CDH12: variants seen among roughly 807,000 people sequenced by gnomAD.
The protein encoded by CDH12 is cadherin 12.
In CDH12, 41 loss-of-function variants were observed where a neutral mutation model predicts 74.1. The ratio of observed to expected loss-of-function variants is 0.55; its 90% CI spans 0.43 to 0.72. The LOEUF is 0.72. CDH12 is among the 30% of genes least tolerant of loss of function. The pLI is 0.00. For synonymous variants in CDH12, 399 were observed against 355.0 expected, an observed-to-expected ratio of 1.12 and a Z score of -1.39; for missense variants, 945 against 977.2, an observed-to-expected ratio of 0.97 and a Z score of 0.44.
At chr5:22,173,462 A>G (rs1437493734) in intron 4 of CDH12, among the ~76,000 whole-genome samples, 8 of 149,430 alleles carry the variant, frequency 5.4e-5, no homozygotes, top group Non-Finnish European at 1.2e-4. Context: ...AATATTTGAA[A>G]TAACCTGTAT....
At chr5:22,062,789 C>T (rs1741279573) in intron 5 of CDH12, among the ~76,000 whole-genome samples, 1 of 152,094 alleles carries the variant, frequency 6.6e-6, no homozygotes, top group South Asian at 2.1e-4. Context: ...TTTCTATCAA[C>T]TCAGAAGGAG....
At chr5:21,770,681 A>C (rs998744260) in intron 11 of CDH12, among the ~76,000 whole-genome samples, 13 of 152,024 alleles carry the variant, frequency 8.6e-5, no homozygotes, top group African/African-American at 2.7e-4. Flanking sequence ...CAACAGAATT[A>C]CTCTTCGACC....
intron 3 of CDH12, among the ~76,000 whole-genome samples, chr5:22,391,509 C>T (rs1222345400): frequency 1.3e-5 from 2 of 152,024 alleles, no homozygotes; most frequent in Non-Finnish European, 1.5e-5. Flanking sequence ...CCTTTTGCCC[C>T]ACATAAATCA....
At chr5:22,635,641 C>G (rs925261301) in intron 1 of CDH12, among the ~76,000 whole-genome samples, 2 of 152,094 alleles carry the variant, frequency 1.3e-5, no homozygotes, top group African/African-American at 4.8e-5. Flanking sequence ...CCAGTCTGGG[C>G]GCGGTGGCTC....
chr5:22,091,344 G>C (rs1046950156), intron 4 of CDH12, among the ~76,000 whole-genome samples: 1 of 149,764 alleles, frequency 6.7e-6, no homozygotes, highest in Non-Finnish European at 1.5e-5. Context: ...AGGCCTGGCA[G>C]CATACAAGAT....
At chr5:22,740,462 G>A (rs1328228759) in intron 1 of CDH12, among the ~76,000 whole-genome samples, 3 of 151,790 alleles carry the variant, frequency 2.0e-5, no homozygotes, top group Non-Finnish European at 2.9e-5. Flanking sequence ...CTTAGGGTGA[G>A]TTAAAAGGCT....
At chr5:21,765,223 T>G in intron 11 of CDH12, 124 bp from the exon 12 acceptor site, 1 of 740,158 alleles carries the variant, frequency 1.4e-6, no homozygotes, top group Non-Finnish European at 2.0e-6. Flanking sequence ...ATCCTTCTTA[T>G]AGGAAATCCT....
chr5:22,505,268 AC>A lies in CDH12; in HGVS notation c.-428+1del. 1 of 966,260 alleles carries A rather than the reference AC, an allele frequency of 1.0e-6. No homozygotes were observed. The highest frequency in any genetic ancestry group is 1.2e-6 in the Non-Finnish European group (1 of 812,640). The allele number at this position is 966,260 out of a possible 1,614,324, so 59.9% of individuals were successfully genotyped here. A position where few individuals can be genotyped will look rare whatever the true frequency, so the allele number is the denominator to read the frequency against. On this transcript the variant is annotated splice_donor_variant, in intron 2 of 14. Transcript: ENST00000382254. LOFTEE classifies it low-confidence loss of function (5UTR_SPLICE). ...TATCTTGATAAGATTTTTTTTACCT[AC>A]CTTTAAAAAGGCTGGCATTCTTTAA...
At chr5:21,821,851 G>A (rs1264505790) in intron 8 of CDH12, among the ~76,000 whole-genome samples, 3 of 151,872 alleles carry the variant, frequency 2.0e-5, no homozygotes, top group Admixed American at 1.3e-4. Flanking sequence ...TTTTGTGTGT[G>A]TGAGTGATTT....
chr5:22,119,941 G>A (rs1745406172), intron 4 of CDH12, among the ~76,000 whole-genome samples: 1 of 152,118 alleles, frequency 6.6e-6, no homozygotes. Flanking sequence ...GAGACAATTT[G>A]CATGTGAACA....
chr5:22,369,302 T>C (rs1242642712), intron 3 of CDH12, among the ~76,000 whole-genome samples: 1 of 152,104 alleles, frequency 6.6e-6, no homozygotes, highest in East Asian at 1.9e-4. Context: ...TAAAGAAATA[T>C]TAAAATTTTT....
intron 1 of CDH12, among the ~76,000 whole-genome samples, chr5:22,768,907 T>C (rs1283681632): frequency 6.6e-6 from 1 of 152,174 alleles, no homozygotes; most frequent in African/African-American, 2.4e-5. Flanking sequence ...TCTTCTAATA[T>C]CATTATTTTA....
At chr5:21,859,292 A>T (rs896496264) in intron 6 of CDH12, among the ~76,000 whole-genome samples, 2 of 151,904 alleles carry the variant, frequency 1.3e-5, no homozygotes, top group African/African-American at 4.8e-5. Flanking sequence ...GGTGAAGGGG[A>T]AGAAAGGCAC....
chr5:21,910,548 C>T (rs926970056), intron 6 of CDH12, among the ~76,000 whole-genome samples: 6 of 152,076 alleles, frequency 3.9e-5, no homozygotes, highest in African/African-American at 1.2e-4. Context: ...GGTCTCATGG[C>T]GTCCCTGAAT....
At chr5:21,783,069 G>A (rs1746001088) in intron 11 of CDH12, among the ~76,000 whole-genome samples, 1 of 152,116 alleles carries the variant, frequency 6.6e-6, no homozygotes, top group Admixed American at 6.6e-5. Context: ...GTGTGGAAGA[G>A]AAATTAAAAC....
At position 21,816,925 on chromosome 5, in the gene CDH12, C is replaced by T. The variant is rs372848394; in HGVS notation, c.1002+20G>A. The T allele has an allele frequency of 2.7e-6, 4 of 1,461,806 alleles. No homozygotes were observed. Among genetic ancestry groups the T allele is most frequent in the Admixed American group, 2.0e-5 (1 of 49,496 alleles). The allele number at this position is 1,461,806 out of a possible 1,614,324, so 90.6% of individuals were successfully genotyped here. On this transcript the variant is annotated intron_variant, in intron 9 of 14. Transcript: ENST00000382254. ...TAATTATTATTTAGTAGTCAACTGTCCCAACATTTGTCTATATACCTTTTT... is the reference window on the plus strand; with the variant it reads ...TAATTATTATTTAGTAGTCAACTGTTCCAACATTTGTCTATATACCTTTTT...
intron 1 of CDH12, among the ~76,000 whole-genome samples, chr5:22,651,856 TA>T (rs1165257751): frequency 1.3e-5 from 2 of 151,992 alleles, no homozygotes; most frequent in Non-Finnish European, 2.9e-5. Flanking sequence ...ATCTGTTTTT[TA>T]AAAAAAGATT....
intron 1 of CDH12, among the ~76,000 whole-genome samples, chr5:22,674,174 G>A (rs145060476): frequency 2.1e-3 from 315 of 152,270 alleles, no homozygotes; most frequent in Non-Finnish European, 3.4e-3. Flanking sequence ...GACTTCATAT[G>A]GTTTGGCTAT....
chr5:21,884,212 C>G lies in CDH12; in HGVS notation c.527-29422G>C, dbSNP rs1042623739. The G allele has an allele frequency of 1.6e-5, 25 of 1,578,516 alleles. No homozygotes were observed. The African/African-American group carries it at 3.2e-4, about 20-fold the overall frequency. On this transcript the variant is annotated intron_variant, in intron 6 of 14. Transcript: ENST00000382254. ...GCTGGTGTGGCCTCTCTGTTAACTACAGCAGAAGTTGTAGTCACAGAAATT... is the reference window on the plus strand; with the variant it reads ...GCTGGTGTGGCCTCTCTGTTAACTAGAGCAGAAGTTGTAGTCACAGAAATT...
Sources: allele counts gnomAD v4.1 joint callset (sites outside exome capture counted in the v4.1 genomes callset), GRCh38; gene constraint gnomAD v4.1.1; transcripts MANE v1.5; gene names NCBI Gene and HGNC (gene_info 2026-07-23, HGNC 2026-07-21).